MMD: variants seen among roughly 807,000 people sequenced by gnomAD.
The protein encoded by MMD is monocyte to macrophage differentiation associated, also known as monocyte to macrophage differentiation factor.
A neutral mutation model predicts 33.6 loss-of-function variants in MMD; 22 were observed. The ratio of observed to expected loss-of-function variants is 0.66; its 90% CI spans 0.47 to 0.94. The LOEUF is 0.94. Ranked by LOEUF, MMD falls within the 40% of genes least tolerant of loss-of-function variation. The pLI is 0.00. For synonymous variants in MMD, 97 were observed against 103.2 expected (o/e 0.94, Z 0.36); for missense variants, 242 against 309.8 (o/e 0.78, Z 1.64).
rs1490102222 is a variant in MMD at position 55,407,788 on chromosome 17, C to T, written c.302G>A (p.Arg101Lys). 1.3e-6 allele frequency: 2 copies of T among 1,597,416 alleles called. No homozygotes were observed. The highest frequency in any genetic ancestry group is 2.7e-5 in the African/African-American group (2 of 73,826). ...TVEHCFHMCD[R>K]MVIYFFIAAS... ...AGCAATGAAGAAATAGATAACCATTCTATCACACATGTGAAAACAATGCTC... is the reference window on the plus strand; with the variant it reads ...AGCAATGAAGAAATAGATAACCATTTTATCACACATGTGAAAACAATGCTC... Residue 101 changes from arginine to lysine, a missense_variant, in exon 4 of 7, where the codon AGA (arginine) becomes AAA (lysine). By Grantham distance (26) the Arg-to-Lys change is conservative. Coordinates refer to ENST00000262065, the MANE Select transcript of MMD (RefSeq NM_012329.3).
chr17:55,399,929 C>T (rs1442668845), intron 6 of MMD, among the ~76,000 whole-genome samples: 1 of 152,138 alleles, frequency 6.6e-6, no homozygotes, highest in Non-Finnish European at 1.5e-5. Flanking sequence ...AGGGAATTTG[C>T]TTGAAATTCT....
At chr17:55,420,889 C>T (rs1914664632) in intron 1 of MMD, among the ~76,000 whole-genome samples, 1 of 152,198 alleles carries the variant, frequency 6.6e-6, no homozygotes, top group South Asian at 2.1e-4. Flanking sequence ...GCCACGGCGC[C>T]CCCCAGCCCG....
Position 55,394,440 on chromosome 17 carries a change from G to A in MMD, c.611C>T (p.Ala204Val). The change falls in exon 7 of 7, where the codon GCC (alanine) becomes GTC (valine). Residue 204 changes from alanine (A) to valine (V), a missense_variant. Ala to Val is a moderately conservative substitution (Grantham distance 64, BLOSUM62 0). Coordinates refer to ENST00000262065, the MANE Select transcript of MMD (RefSeq NM_012329.3). ...CACAAACAGGTGCCAGATGGCGTGG[G>A]CAAATGGAATGATGCCATCACTCTT... is the stretch of plus-strand genomic sequence containing the variant. ...FFKSDGIIPF[A>V]HAIWHLFVAT... 2 of 1,533,952 alleles carry A rather than the reference G, an allele frequency of 1.3e-6. No homozygotes were observed. The highest frequency in any genetic ancestry group is 2.2e-5 in the Admixed American group (1 of 44,666).
intron 6 of MMD, among the ~76,000 whole-genome samples, chr17:55,400,334 G>A (rs1424241414): frequency 7.2e-5 from 11 of 152,092 alleles, no homozygotes; most frequent in Non-Finnish European, 1.5e-5. Flanking sequence ...GATCACCTGA[G>A]CTCAGGAGTT....
intron 6 of MMD, 38 bp from the exon 7 acceptor site, chr17:55,394,572 T>A (rs1907032271): frequency 7.3e-7 from 1 of 1,376,370 alleles, no homozygotes; most frequent in Non-Finnish European, 9.5e-7. Flanking sequence ...GGGTTTGATG[T>A]TACTCTGCAT....
At chr17:55,405,608 G>A (rs1907514167) in intron 4 of MMD, among the ~76,000 whole-genome samples, 1 of 152,098 alleles carries the variant, frequency 6.6e-6, no homozygotes, top group Admixed American at 6.6e-5. Flanking sequence ...AAGGAATCCT[G>A]TTTGGAACAC....
chr17:55,403,990 A>C, intron 4 of MMD, 122 bp from the exon 5 acceptor site: 1 of 729,818 alleles, frequency 1.4e-6, no homozygotes. Flanking sequence ...CACTCAACAC[A>C]TCAAGCAGGC....
intron 4 of MMD, chr17:55,404,512 G>C (rs1907468410): frequency 2.0e-6 from 2 of 985,246 alleles, no homozygotes; most frequent in Non-Finnish European, 2.4e-6. Context: ...CCATGTATTT[G>C]GGAGCAGATT....
chr17:55,414,236 T>G lies in MMD; in HGVS notation c.27-4A>C, dbSNP rs1017792244. ...TGGAGCTCGATGGTTCATGAACCTG[T>G]AAAAACAAAAAGAACACATGTAAGA... is the stretch of plus-strand genomic sequence containing the variant. On this transcript the variant is annotated splice_polypyrimidine_tract_variant and splice_region_variant and intron_variant, in intron 1 of 6. Coordinates refer to ENST00000262065, the MANE Select transcript of MMD (RefSeq NM_012329.3). 4 of 1,613,366 alleles carry G rather than the reference T, an allele frequency of 2.5e-6. No individual in the cohort carries two copies. Among genetic ancestry groups the G allele is most frequent in the Non-Finnish European group, 3.4e-6 (4 of 1,179,546 alleles).
intron 1 of MMD, among the ~76,000 whole-genome samples, chr17:55,414,556 T>TCA (rs58103743): frequency 0.063 from 7,762 of 122,802 alleles, 261 homozygotes; most frequent in East Asian, 0.15. Context: ...CCTCCTCCAT[T>TCA]CACACACACA....
chr17:55,414,010 G>C lies in MMD; in HGVS notation c.108+141C>G, dbSNP rs979402673. On this transcript the variant is annotated intron_variant, in intron 2 of 6. Transcript: ENST00000262065. Reference sequence around the variant, plus strand: ...ATGCTTACATAGTTTCTGGTGACACGACCCAGAACTGATTTCCTGGTAGAT... The same window carrying C: ...ATGCTTACATAGTTTCTGGTGACACCACCCAGAACTGATTTCCTGGTAGAT... The C allele has an allele frequency of 2.3e-5, 17 of 742,940 alleles. No individual in the cohort carries two copies. The Admixed American group carries it at 3.0e-4, about 13-fold the overall frequency. The allele number at this position is 742,940 out of a possible 1,614,324, so 46.0% of individuals were successfully genotyped here. A position where few individuals can be genotyped will look rare whatever the true frequency, so the allele number is the denominator to read the frequency against.
intron 1 of MMD, among the ~76,000 whole-genome samples, chr17:55,414,636 T>G (rs1401189755): frequency 6.6e-6 from 1 of 151,672 alleles, no homozygotes; most frequent in Non-Finnish European, 1.5e-5. Flanking sequence ...TTTTCTAAAT[T>G]TTATTGTCAT....
intron 2 of MMD, 132 bp from the exon 3 acceptor site, chr17:55,411,549 G>T: frequency 8.9e-7 from 1 of 1,129,286 alleles, no homozygotes; most frequent in Non-Finnish European, 1.2e-6. Context: ...TGTCTCTCCT[G>T]GATAATCATA....
Position 55,401,558 on chromosome 17 carries a change from GTTAAT to G in MMD, c.447-25_447-21del. Reference sequence around the variant, plus strand: ...TTATATCTGCAGGAACAAAAATGCAGTTAATTTAACTTATAAATTTCTATAACACC... The same window carrying G: ...TTATATCTGCAGGAACAAAAATGCAGTTAACTTATAAATTTCTATAACACC... On this transcript the variant is annotated intron_variant, in intron 5 of 6. Coordinates refer to ENST00000262065, the MANE Select transcript of MMD (RefSeq NM_012329.3). The G allele has an allele frequency of 6.3e-7, 1 of 1,584,956 alleles. No individual in the cohort carries two copies. Among genetic ancestry groups the G allele is most frequent in the Non-Finnish European group, 8.6e-7 (1 of 1,163,882 alleles).
rs544612369 is a variant in MMD at position 55,415,274 on chromosome 17, C to T, written c.27-1042G>A. ...AGGTAGATGCACAGAAACAGACGGACGTAAAAAAAAAAAAAAATTTCAACA... is the reference window on the plus strand; with the variant it reads ...AGGTAGATGCACAGAAACAGACGGATGTAAAAAAAAAAAAAAATTTCAACA... On this transcript the variant is annotated intron_variant, in intron 1 of 6. Coordinates refer to ENST00000262065, the MANE Select transcript of MMD (RefSeq NM_012329.3). 2.4e-3 allele frequency among the ~76,000 whole-genome samples: 354 copies of T among 147,428 alleles called. 1 individual carries two copies. The highest frequency in any genetic ancestry group is 8.7e-3 in the African/African-American group (347 of 40,046).
At chr17:55,414,886 G>A (rs944377889) in intron 1 of MMD, among the ~76,000 whole-genome samples, 1 of 152,104 alleles carries the variant, frequency 6.6e-6, no homozygotes, top group Non-Finnish European at 1.5e-5. Context: ...CAAAAAGTCT[G>A]CTTCAAAAAC....
chr17:55,399,219 C>T (rs1907235201), intron 6 of MMD, among the ~76,000 whole-genome samples: 1 of 150,960 alleles, frequency 6.6e-6, no homozygotes, highest in Admixed American at 6.6e-5. Flanking sequence ...TCAAGGATCA[C>T]AGTCCTGTAC....
chr17:55,418,600 TCTTA>T (rs1434052977), intron 1 of MMD, among the ~76,000 whole-genome samples: 1 of 152,218 alleles, frequency 6.6e-6, no homozygotes, highest in African/African-American at 2.4e-5. Flanking sequence ...AGTGGACCCC[TCTTA>T]CTATTAGCTC....
chr17:55,397,077 C>T (rs2143116693), intron 6 of MMD, among the ~76,000 whole-genome samples: 1 of 152,296 alleles, frequency 6.6e-6, no homozygotes, highest in East Asian at 1.9e-4. Context: ...TGTTAGAAAC[C>T]CCCATGTTAT....
Sources: gnomAD v4.1 joint callset for allele counts (sites outside exome capture counted in the v4.1 genomes callset) on GRCh38, gnomAD v4.1.1 for gene constraint, MANE v1.5 for transcripts, NCBI Gene and HGNC (gene_info 2026-07-23, HGNC 2026-07-21) for gene names.